TTC6: variants seen among roughly 807,000 people sequenced by gnomAD.
The protein encoded by TTC6 is tetratricopeptide repeat protein 6.
Under a neutral mutation model 210.4 loss-of-function variants are expected in TTC6, and 172 were observed. The ratio of observed to expected loss-of-function variants is 0.82; its 90% CI spans 0.72 to 0.93. TTC6 has a LOEUF of 0.93. Ranked by LOEUF, TTC6 falls within the 40% of genes least tolerant of loss-of-function variation. The pLI is 0.00. For missense variants in TTC6, 2,414 were observed against 2,318.1 expected (o/e 1.04, Z -0.85); for synonymous variants, 804 against 819.6 (o/e 0.98, Z 0.32).
At chr14:37,785,525 T>A (rs762560597) in intron 14 of TTC6, among the ~76,000 whole-genome samples, 3 of 152,180 alleles carry the variant, frequency 2.0e-5, no homozygotes, top group Admixed American at 6.5e-5. Flanking sequence ...CGTGTAATCT[T>A]TTCTCAAGGT....
exon 11 of TTC6, chr14:37,749,129 G>A (rs756400094): frequency 2.3e-5 from 35 of 1,535,528 alleles, no homozygotes; most frequent in Non-Finnish European, 2.9e-5. Context: ...TGAGTACAAA[G>A]ATGCGAGCAT....
At chr14:37,785,166 C>T (rs1222325997) in intron 14 of TTC6, among the ~76,000 whole-genome samples, 2 of 152,106 alleles carry the variant, frequency 1.3e-5, no homozygotes, top group African/African-American at 2.4e-5. Flanking sequence ...TGAATGGTAG[C>T]CTGCCTTGCT....
At chr14:37,759,178 G>T (rs1055293385) in intron 14 of TTC6, among the ~76,000 whole-genome samples, 1 of 150,828 alleles carries the variant, frequency 6.6e-6, no homozygotes, top group African/African-American at 2.4e-5. Context: ...CAGGAGAATC[G>T]CTTGTACCTG....
At chr14:37,681,359 A>G (rs938738074) in intron 2 of TTC6, among the ~76,000 whole-genome samples, 1 of 152,194 alleles carries the variant, frequency 6.6e-6, no homozygotes, top group Non-Finnish European at 1.5e-5. Flanking sequence ...ATTCATATAA[A>G]GTATAAGGAA....
intron 17 of TTC6, 24 bp downstream of exon 19, chr14:37,792,438 A>G (rs546074894): frequency 1.4e-6 from 2 of 1,440,824 alleles, no homozygotes; most frequent in Non-Finnish European, 1.8e-6. Context: ...GAGAACCTTG[A>G]TTTTTTTAAA....
chr14:37,837,312 ATTACT>A, intron 29 of TTC6: 1 of 425,214 alleles, frequency 2.4e-6, no homozygotes, highest in South Asian at 1.7e-5. Flanking sequence ...TGAAGTCTAA[ATTACT>A]TTAGGAAGAA....
At chr14:37,632,295 T>A (rs1033273520) in intron 1 of TTC6, among the ~76,000 whole-genome samples, 1 of 152,060 alleles carries the variant, frequency 6.6e-6, no homozygotes, top group African/African-American at 2.4e-5. Context: ...TTGCATGGGG[T>A]TTTTGTGTGG....
At chr14:37,712,724 C>G (rs117658783) in intron 5 of TTC6, among the ~76,000 whole-genome samples, 2 of 152,084 alleles carry the variant, frequency 1.3e-5, no homozygotes, top group African/African-American at 4.8e-5. Context: ...ACTCACATCA[C>G]GAGAACAGCA....
At chr14:37,650,779 T>C (rs1447692356) in intron 1 of TTC6, among the ~76,000 whole-genome samples, 1 of 152,234 alleles carries the variant, frequency 6.6e-6, no homozygotes, top group Non-Finnish European at 1.5e-5. Context: ...TAATCCGTAT[T>C]CTTAGCATGG....
exon 1 of TTC6, chr14:37,622,279 C>T (rs896392930): frequency 6.5e-7 from 1 of 1,535,078 alleles, no homozygotes; most frequent in Admixed American, 2.0e-5. Flanking sequence ...GCAGCCCGGA[C>T]GTCGAGAAGA....
intron 1 of TTC6, among the ~76,000 whole-genome samples, chr14:37,651,372 T>A (rs2095710750): frequency 7.4e-6 from 1 of 134,824 alleles, no homozygotes. Flanking sequence ...AAATTGAATA[T>A]ATGCACTGTT....
chr14:37,819,187 G>A (rs955790614), intron 26 of TTC6, among the ~76,000 whole-genome samples: 1 of 152,080 alleles, frequency 6.6e-6, no homozygotes, highest in South Asian at 2.1e-4. Context: ...CCAGTTCCAC[G>A]TGTTTCGAGT....
chr14:37,730,022 T>C (rs1037948871), intron 7 of TTC6, among the ~76,000 whole-genome samples: 4 of 152,046 alleles, frequency 2.6e-5, no homozygotes, highest in African/African-American at 9.7e-5. Context: ...CCACTCCCAA[T>C]GACCAGGAGA....
At chr14:37,747,851 A>C (rs2095940662) in intron 10 of TTC6, among the ~76,000 whole-genome samples, 1 of 152,226 alleles carries the variant, frequency 6.6e-6, no homozygotes, top group African/African-American at 2.4e-5. Flanking sequence ...AGAAGGGCTG[A>C]AAAGGGCAAT....
At chr14:37,630,277 G>T (rs2095667114) in intron 1 of TTC6, among the ~76,000 whole-genome samples, 1 of 152,096 alleles carries the variant, frequency 6.6e-6, no homozygotes, top group East Asian at 1.9e-4. Flanking sequence ...CTAGTATGTT[G>T]TGTCTTTGTT....
At chr14:37,724,462 G>A (rs970885317) in intron 6 of TTC6, among the ~76,000 whole-genome samples, 1 of 152,066 alleles carries the variant, frequency 6.6e-6, no homozygotes, top group Non-Finnish European at 1.5e-5. Context: ...GTTTTATAGT[G>A]TTTATGAGTA....
At chr14:37,830,101 A>G (rs1209821887) in intron 29 of TTC6, among the ~76,000 whole-genome samples, 1 of 151,996 alleles carries the variant, frequency 6.6e-6, no homozygotes, top group Non-Finnish European at 1.5e-5. Flanking sequence ...GTTTGCCTGT[A>G]GCCTATTTTA....
upstream of TTC6, among the ~76,000 whole-genome samples, chr14:37,620,023 C>A (rs922130113): frequency 1.3e-5 from 2 of 152,082 alleles, no homozygotes; most frequent in Non-Finnish European, 1.5e-5. Flanking sequence ...AATTTAATCA[C>A]CTAGTTTCAG....
At chr14:37,675,547 A>G (rs529242231) in intron 1 of TTC6, among the ~76,000 whole-genome samples, 2 of 152,206 alleles carry the variant, frequency 1.3e-5, no homozygotes, top group African/African-American at 4.8e-5. Context: ...ATGTACAAAT[A>G]TCTATTGAAA....
Sources: allele counts gnomAD v4.1 joint callset (sites outside exome capture counted in the v4.1 genomes callset), GRCh38; gene constraint gnomAD v4.1.1; transcripts MANE v1.5; gene names NCBI Gene and HGNC (gene_info 2026-07-23, HGNC 2026-07-21).